The following ADARB2 variants were observed in gnomAD, a reference collection of about 807,000 sequenced individuals.
The protein encoded by ADARB2 is inactive double-stranded RNA-specific editase B2.
Under a neutral mutation model 62.2 loss-of-function variants are expected in ADARB2, and 25 were observed. That is an observed-to-expected ratio of 0.40 (90% CI 0.29 to 0.56). The LOEUF (loss-of-function observed/expected upper bound fraction) is 0.56, where lower values mean the gene tolerates loss of function less well. Among genes scored for constraint, ADARB2 ranks in the 20% least tolerant of loss-of-function variants. The pLI is 0.43. For missense variants in ADARB2, 1,071 were observed against 1,077.4 expected, an observed-to-expected ratio of 0.99 and a Z score of 0.08; for synonymous variants, 572 against 500.8, an observed-to-expected ratio of 1.14 and a Z score of -1.90.
intron 4 of ADARB2, among the ~76,000 whole-genome samples, chr10:1,248,336 A>G (rs10903410): frequency 0.1 from 6,595 of 65,690 alleles, 464 homozygotes; most frequent in Middle Eastern, 0.18. Context: ...AAGGGCGTGC[A>G]ACGTGTCAGT....
chr10:1,386,353 C>T (rs946904943), intron 1 of ADARB2, among the ~76,000 whole-genome samples: 3 of 151,778 alleles, frequency 2.0e-5, no homozygotes, highest in African/African-American at 7.3e-5. Flanking sequence ...ACTGAGTACT[C>T]CAATTAAAAT....
intron 1 of ADARB2, among the ~76,000 whole-genome samples, chr10:1,400,913 G>A (rs1031871765): frequency 2.0e-5 from 3 of 152,150 alleles, no homozygotes; most frequent in African/African-American, 7.2e-5. Flanking sequence ...CCTCAGCGAC[G>A]GCTGAGTCAG....
At position 1,182,266 on chromosome 10, in the gene ADARB2, T is replaced by C. The variant is rs1046914; in HGVS notation, c.*927A>G. ...AGGTTATAGGGTGGTAGCTAACCCT[T>C]ACACAACCCAGACCTCAGTGGCTCT... On this transcript the variant is annotated 3_prime_UTR_variant, in exon 10 of 10. Transcript: ENST00000381312. The C allele has an allele frequency of 0.33, 50,848 of 152,200 alleles. 8,554 individuals are homozygous for C. The highest frequency in any genetic ancestry group is 0.4 in the Admixed American group (6,113 of 15,302). The allele number at this position is 152,200 out of a possible 1,614,324, so 9.4% of individuals were successfully genotyped here. A position where few individuals can be genotyped will look rare whatever the true frequency, so the allele number is the denominator to read the frequency against.
At position 1,304,244 on chromosome 10, in the gene ADARB2, C is replaced by T. The variant is rs926971981; in HGVS notation, c.1078-33175G>A. Among the ~76,000 whole-genome samples, 63 of 151,902 alleles carry T rather than the reference C, an allele frequency of 4.1e-4. 1 individual carries two copies. The highest frequency in any genetic ancestry group is 1.4e-3 in the African/African-American group (60 of 41,384). ...GCAATCCTAGTCTCTGATAAAACAG[C>T]CTTTAAACCAACAAAGATCAAAAGA... On this transcript the variant is annotated intron_variant, in intron 3 of 9. Transcript: ENST00000381312.
Position 1,326,873 on chromosome 10 carries a change from C to G in ADARB2, c.1077+36155G>C, listed in dbSNP as rs1277673841. ...GCCTCCCCACTGCCCAGCGCCTCCC[C>G]ACGGCACAGCGCCTCCCCACTGCCC... On this transcript the variant is annotated intron_variant, in intron 3 of 9. Coordinates refer to ENST00000381312, the MANE Select transcript of ADARB2 (RefSeq NM_018702.4). Among the ~76,000 whole-genome samples, 27 of 70,708 alleles carry G rather than the reference C, an allele frequency of 3.8e-4. 2 individuals are homozygous for G. The highest frequency in any genetic ancestry group is 7.8e-4 in the African/African-American group (12 of 15,350). The allele number at this position is 70,708 out of a possible 152,430, so 46.4% of individuals were successfully genotyped here. A position where few individuals can be genotyped will look rare whatever the true frequency, so the allele number is the denominator to read the frequency against.
chr10:1,630,079 C>A (rs1351981670), intron 1 of ADARB2, among the ~76,000 whole-genome samples: 1 of 152,152 alleles, frequency 6.6e-6, no homozygotes, highest in African/African-American at 2.4e-5. Flanking sequence ...GCTAGAGCTG[C>A]AGTTGATTTA....
At chr10:1,330,804 G>A (rs1831921632) in intron 3 of ADARB2, among the ~76,000 whole-genome samples, 1 of 152,144 alleles carries the variant, frequency 6.6e-6, no homozygotes, top group Non-Finnish European at 1.5e-5. Flanking sequence ...TTAAGAAAAT[G>A]AAAAGACAAC....
chr10:1,657,417 T>G (rs973084693), intron 1 of ADARB2, among the ~76,000 whole-genome samples: 9 of 151,642 alleles, frequency 5.9e-5, no homozygotes, highest in Admixed American at 4.6e-4. Flanking sequence ...TCCTTCTTTT[T>G]AAAAGCGGTG....
chr10:1,490,130 C>G (rs1337760251), intron 1 of ADARB2, among the ~76,000 whole-genome samples: 2 of 152,292 alleles, frequency 1.3e-5, no homozygotes, highest in African/African-American at 4.8e-5. Context: ...AGAAGCAACA[C>G]TAACAACGGC....
chr10:1,372,464 T>C (rs879896301), intron 2 of ADARB2, among the ~76,000 whole-genome samples: 2 of 33,680 alleles, frequency 5.9e-5, no homozygotes, highest in East Asian at 6.3e-3. Flanking sequence ...TAAAATAAAA[T>C]TAAATTAAAT....
intron 1 of ADARB2, among the ~76,000 whole-genome samples, chr10:1,622,913 A>G (rs1833722567): frequency 6.6e-6 from 1 of 152,212 alleles, no homozygotes. Flanking sequence ...GCAAGAGCTG[A>G]TGACACCACA....
chr10:1,584,361 C>T (rs1323354258), intron 1 of ADARB2, among the ~76,000 whole-genome samples: 1 of 152,044 alleles, frequency 6.6e-6, no homozygotes, highest in Non-Finnish European at 1.5e-5. Flanking sequence ...TCATATGTCA[C>T]TAGAGAACGC....
chr10:1,540,359 C>T (rs1832400702), intron 1 of ADARB2, among the ~76,000 whole-genome samples: 1 of 143,080 alleles, frequency 7.0e-6, no homozygotes, highest in African/African-American at 2.5e-5. Flanking sequence ...CCCCCGCCCT[C>T]CTGGTCTGGC....
intron 1 of ADARB2, among the ~76,000 whole-genome samples, chr10:1,602,962 A>G (rs1159105948): frequency 2.0e-5 from 3 of 151,880 alleles, no homozygotes; most frequent in Non-Finnish European, 4.4e-5. Context: ...ACACATGCAC[A>G]CACAGACACA....
intron 1 of ADARB2, among the ~76,000 whole-genome samples, chr10:1,481,844 G>C (rs1831476819): frequency 8.5e-6 from 1 of 118,034 alleles, no homozygotes; most frequent in South Asian, 3.1e-4. Context: ...ACGACAGAGT[G>C]AGACTCCATC....
At chr10:1,206,884 C>G (rs974923424) in intron 7 of ADARB2, among the ~76,000 whole-genome samples, 1 of 152,182 alleles carries the variant, frequency 6.6e-6, no homozygotes, top group Non-Finnish European at 1.5e-5. Context: ...TGGGCCGGGT[C>G]CCCCCAGGAA....
intron 8 of ADARB2, among the ~76,000 whole-genome samples, chr10:1,193,777 G>GT (rs1836872856): frequency 6.6e-6 from 1 of 151,324 alleles, no homozygotes; most frequent in Admixed American, 6.6e-5. Context: ...CCATTTCATT[G>GT]TTTTTTTGTC....
rs777707843 is a variant in ADARB2 at position 1,255,863 on chromosome 10, A to T, written c.1193-13564T>A. Among the ~76,000 whole-genome samples, 4 of 152,216 alleles carry T rather than the reference A, an allele frequency of 2.6e-5. No homozygotes were observed. Among genetic ancestry groups the T allele is most frequent in the African/African-American group, 4.8e-5 (2 of 41,456 alleles). ...CGGGCAGGACAAGTTGGGCCCTGAC[A>T]CAGGCAGCATCCAGGCAGGCAAGCA... On this transcript the variant is annotated intron_variant, in intron 4 of 9. Coordinates refer to ENST00000381312, the MANE Select transcript of ADARB2 (RefSeq NM_018702.4). The surrounding 1 kb of genome is among the most constrained non-coding windows in gnomAD (Gnocchi z 4.7).
At chr10:1,377,277 G>A (rs183261970) in intron 2 of ADARB2, among the ~76,000 whole-genome samples, 3 of 144,230 alleles carry the variant, frequency 2.1e-5, no homozygotes, top group East Asian at 4.3e-4. Flanking sequence ...TGCCCCTGGG[G>A]TGTGTGTATG....
Sources: gnomAD v4.1 joint callset for allele counts (sites outside exome capture counted in the v4.1 genomes callset) on GRCh38, gnomAD v4.1.1 for gene constraint, Gnocchi (gnomAD v3.1) non-coding constraint, MANE v1.5 for transcripts, NCBI Gene and HGNC (gene_info 2026-07-23, HGNC 2026-07-21) for gene names.